Variants in GCNT1 observed in about 807,000 individuals in gnomAD.
GCNT1 encodes the protein glucosaminyl (N-acetyl) transferase 1.
Under a neutral mutation model 26.2 loss-of-function variants are expected in GCNT1, and 16 were observed. The observed-to-expected ratio is 0.61, with a 90% CI of 0.41 to 0.93. The LOEUF is 0.93. GCNT1 is among the 40% of genes least tolerant of loss of function. The pLI, the probability that GCNT1 is intolerant of heterozygous loss-of-function variation, is 0.00. For synonymous variants in GCNT1, 183 were observed against 190.8 expected (o/e 0.96, Z 0.34); for missense variants, 477 against 526.7 (o/e 0.91, Z 0.92).
At chr9:76,480,664 C>T (rs1048609547) in intron 2 of GCNT1, among the ~76,000 whole-genome samples, 9 of 151,954 alleles carry the variant, frequency 5.9e-5, no homozygotes, top group South Asian at 2.1e-4. Context: ...CTTCTGTTAA[C>T]GTGCTAATAA....
chr9:76,451,641 C>A (rs1037165441), intron 1 of GCNT1, among the ~76,000 whole-genome samples: 5 of 152,182 alleles, frequency 3.3e-5, no homozygotes, highest in Non-Finnish European at 7.3e-5. Flanking sequence ...TTAATCTTGG[C>A]ATCTACAAGC....
chr9:76,413,285 A>C, the GCNT1 span, among the ~76,000 whole-genome samples: 3 of 152,208 alleles, frequency 2.0e-5, no homozygotes, highest in Admixed American at 1.3e-4. Flanking sequence ...CTGTCACTAT[A>C]AACAAGTTTC....
At chr9:76,432,063 T>C (rs1427826575) in intron 1 of GCNT1, among the ~76,000 whole-genome samples, 1 of 152,070 alleles carries the variant, frequency 6.6e-6, no homozygotes, top group Non-Finnish European at 1.5e-5. Flanking sequence ...AAGCTGAGAT[T>C]GCACCACTGC....
At chr9:76,395,623 G>GAAGGGAAAGGAAAGGGGAAGGGA in the GCNT1 span, among the ~76,000 whole-genome samples, 2 of 152,244 alleles carry the variant, frequency 1.3e-5, no homozygotes, top group Admixed American at 6.5e-5. Flanking sequence ...GGAAGGGAGG[G>GAAGGGAAAGGAAAGGGGAAGGGA]AAGGGAAAGG....
chr9:76,487,828 G>A (rs1383565962), intron 2 of GCNT1, among the ~76,000 whole-genome samples: 2 of 152,138 alleles, frequency 1.3e-5, no homozygotes, highest in Non-Finnish European at 2.9e-5. Flanking sequence ...TTGACCTCCT[G>A]GGCTCAGGTG....
At chr9:76,457,944 G>T (rs924605789), upstream of GCNT1, among the ~76,000 whole-genome samples, 2 of 151,836 alleles carry the variant, frequency 1.3e-5, no homozygotes, top group Non-Finnish European at 2.9e-5. Flanking sequence ...TTTGTTGGGG[G>T]AGGCAGAGGG....
chr9:76,419,125 G>A (rs1433237316), upstream of GCNT1, among the ~76,000 whole-genome samples: 1 of 152,100 alleles, frequency 6.6e-6, no homozygotes, highest in Non-Finnish European at 1.5e-5. Context: ...CTCTATGGCT[G>A]CATAATCTGT....
intron 2 of GCNT1, among the ~76,000 whole-genome samples, chr9:76,490,725 C>G (rs1316533357): frequency 5.3e-5 from 8 of 151,568 alleles, no homozygotes; most frequent in Non-Finnish European, 1.2e-4. Flanking sequence ...AAAGAACTCA[C>G]TTGTTTGAGC....
the GCNT1 span, among the ~76,000 whole-genome samples, chr9:76,405,176 GCT>G: frequency 6.6e-6 from 1 of 152,104 alleles, no homozygotes; most frequent in African/African-American, 2.4e-5. Context: ...CAGCTAGTGA[GCT>G]CTGTTTTGCC....
intron 1 of GCNT1, among the ~76,000 whole-genome samples, chr9:76,432,772 G>C (rs897707408): frequency 6.6e-5 from 10 of 152,218 alleles, no homozygotes; most frequent in African/African-American, 2.4e-4. Context: ...CAAGCTAAAA[G>C]TCTTGCATAA....
At chr9:76,397,537 G>A in the GCNT1 span, among the ~76,000 whole-genome samples, 2 of 151,270 alleles carry the variant, frequency 1.3e-5, no homozygotes, top group Admixed American at 6.6e-5. Context: ...TCCACCTCCC[G>A]GGCTCAAGTG....
the GCNT1 span, chr9:76,393,898 C>T: frequency 3.5e-6 from 2 of 573,074 alleles, no homozygotes; most frequent in Non-Finnish European, 6.0e-6. Context: ...AGCTCGGAGC[C>T]AGAAGCAGGG....
upstream of GCNT1, among the ~76,000 whole-genome samples, chr9:76,439,825 C>T (rs985105198): frequency 5.3e-5 from 8 of 152,072 alleles, no homozygotes; most frequent in South Asian, 2.1e-4. Context: ...CAAGGCTGGG[C>T]GCATTGGCTC....
the GCNT1 span, chr9:76,394,484 C>G: frequency 7.6e-6 from 2 of 264,880 alleles, no homozygotes; most frequent in Non-Finnish European, 1.4e-5. Flanking sequence ...CCGGCCTCCG[C>G]GCCGCCGGCG....
At chr9:76,493,699 A>G (rs1237231910) in intron 2 of GCNT1, among the ~76,000 whole-genome samples, 1 of 152,150 alleles carries the variant, frequency 6.6e-6, no homozygotes, top group Non-Finnish European at 1.5e-5. Context: ...TAGGGAGGCT[A>G]GGATATGGAG....
At chr9:76,487,105 G>C (rs2131624290) in intron 2 of GCNT1, among the ~76,000 whole-genome samples, 1 of 152,268 alleles carries the variant, frequency 6.6e-6, no homozygotes, top group East Asian at 1.9e-4. Flanking sequence ...GCAGGGCAAG[G>C]TTGTGGTGGG....
intron 2 of GCNT1, among the ~76,000 whole-genome samples, chr9:76,486,226 C>A (rs941999282): frequency 6.6e-6 from 1 of 152,166 alleles, no homozygotes; most frequent in East Asian, 1.9e-4. Flanking sequence ...TGTGTTAATA[C>A]GGGTAAGCCA....
intron 1 of GCNT1, among the ~76,000 whole-genome samples, chr9:76,444,357 G>A (rs1215674512): frequency 6.6e-6 from 1 of 152,116 alleles, no homozygotes; most frequent in East Asian, 1.9e-4. Flanking sequence ...GGGCTGTAGA[G>A]AAAAAAGAAG....
At chr9:76,464,227 G>C (rs1369936594) in intron 2 of GCNT1, among the ~76,000 whole-genome samples, 2 of 151,866 alleles carry the variant, frequency 1.3e-5, no homozygotes, top group Non-Finnish European at 2.9e-5. Flanking sequence ...TTGTTTGTTT[G>C]TTTGTTGCAG....
Sources: gnomAD v4.1 joint callset for allele counts (sites outside exome capture counted in the v4.1 genomes callset) on GRCh38, gnomAD v4.1.1 for gene constraint, MANE v1.5 for transcripts, NCBI Gene and HGNC (gene_info 2026-07-23, HGNC 2026-07-21) for gene names.